UBE2J1: variants seen among roughly 807,000 people sequenced by gnomAD.
UBE2J1 encodes the protein ubiquitin conjugating enzyme E2 J1, also known as ubiquitin-conjugating enzyme E2 J1.
A neutral mutation model predicts 42.1 loss-of-function variants in UBE2J1; 17 were observed. The observed-to-expected ratio is 0.40, with a 90% CI of 0.28 to 0.61. The LOEUF is 0.61. Ranked by LOEUF, UBE2J1 falls within the 20% of genes least tolerant of loss-of-function variation. The pLI, the probability that UBE2J1 is intolerant of heterozygous loss-of-function variation, is 0.38. For missense variants in UBE2J1, 291 were observed against 389.4 expected (o/e 0.75, Z 2.13); for synonymous variants, 127 against 137.2 (o/e 0.93, Z 0.52).
In UBE2J1 at chr6:89,327,013, A is replaced by G. The variant is rs990093864; in HGVS notation, c.*2666T>C. On this transcript the variant is annotated 3_prime_UTR_variant, in exon 8 of 8. Coordinates refer to ENST00000435041, the MANE Select transcript of UBE2J1 (RefSeq NM_016021.3). ...CCAAAATAGGAAATTTTGTATTCCT[A>G]TAGTCAAAACAATAAACAATTTTTG... 6.6e-6 allele frequency: 1 copy of G among 152,666 alleles called. No individual in the cohort carries two copies. The highest frequency in any genetic ancestry group is 1.5e-5 in the Non-Finnish European group (1 of 68,036). The allele number at this position is 152,666 out of a possible 1,614,324, so 9.5% of individuals were successfully genotyped here.
Position 89,329,627 on chromosome 6 carries a change from CA to C in UBE2J1, c.*51del. On this transcript the variant is annotated 3_prime_UTR_variant, in exon 8 of 8. Coordinates refer to ENST00000435041, the MANE Select transcript of UBE2J1 (RefSeq NM_016021.3). ...AACAATTCTTAGATTATACCCAATG[CA>C]GAATGTTTAATGAAGCAGTTGAGTC... 2 of 1,574,458 alleles carry C rather than the reference CA, an allele frequency of 1.3e-6. No homozygotes were observed. Among genetic ancestry groups the C allele is most frequent in the Non-Finnish European group, 1.7e-6 (2 of 1,147,388 alleles).
Position 89,352,661 on chromosome 6 carries a change from C to G in UBE2J1, c.-92G>C, listed in dbSNP as rs1034811199. ...CGGGTCTCAGCGCGGCTCGGGCGGA[C>G]GGGGCCTGGCCGAGGAGCCTCGGCA... On this transcript the variant is annotated 5_prime_UTR_variant, in exon 1 of 8. Transcript: ENST00000435041. 1.6e-5 allele frequency: 22 copies of G among 1,388,042 alleles called. No individual in the cohort carries two copies. The African/African-American group carries it at 2.9e-4, about 18-fold the overall frequency. The allele number at this position is 1,388,042 out of a possible 1,614,324, so 86.0% of individuals were successfully genotyped here. A position where few individuals can be genotyped will look rare whatever the true frequency, so the allele number is the denominator to read the frequency against.
In UBE2J1 at chr6:89,348,862, A is replaced by G. The variant is rs539511049; in HGVS notation, c.31+3677T>C. Among the ~76,000 whole-genome samples, 154 of 152,358 alleles carry G rather than the reference A, an allele frequency of 1.0e-3. 1 individual carries two copies. Among genetic ancestry groups the G allele is most frequent in the Admixed American group, 3.5e-3 (54 of 15,308 alleles). On this transcript the variant is annotated intron_variant, in intron 1 of 7. Coordinates refer to ENST00000435041, the MANE Select transcript of UBE2J1 (RefSeq NM_016021.3). ...GATGGATTTAAAGGAAGGCATTCTA[A>G]GCAGAGGTTCCAACAGGAACCAAAG...
chr6:89,352,451 C>T, intron 1 of UBE2J1, 88 bp downstream of exon 1: 7 of 1,408,904 alleles, frequency 5.0e-6, no homozygotes, highest in Non-Finnish European at 6.7e-6. Context: ...CCGCGAGTGG[C>T]GCCAGACGCG....
At chr6:89,338,120 C>T (rs957712297) in intron 5 of UBE2J1, 85 bp downstream of exon 5, 1 of 847,904 alleles carries the variant, frequency 1.2e-6, no homozygotes, top group Admixed American at 2.5e-5. Context: ...AAATAAGTCA[C>T]ATAGTAAGAG....
chr6:89,340,079 G>A (rs1011474464), intron 3 of UBE2J1, among the ~76,000 whole-genome samples: 4 of 151,886 alleles, frequency 2.6e-5, no homozygotes, highest in African/African-American at 9.7e-5. Flanking sequence ...GAAACCTAAG[G>A]ACTCAGTATC....
chr6:89,351,140 G>A (rs1768469840), intron 1 of UBE2J1, among the ~76,000 whole-genome samples: 2 of 129,572 alleles, frequency 1.5e-5, no homozygotes, highest in African/African-American at 5.8e-5. Context: ...GGAGTGCAGT[G>A]GCGCGATCTC....
chr6:89,340,419 C>T (rs1266796753), intron 3 of UBE2J1, among the ~76,000 whole-genome samples: 2 of 152,202 alleles, frequency 1.3e-5, no homozygotes, highest in Non-Finnish European at 2.9e-5. Context: ...CTTAGCTCTC[C>T]CCATGATCTA....
chr6:89,345,338 A>G (rs1768339456), intron 1 of UBE2J1, among the ~76,000 whole-genome samples: 1 of 152,234 alleles, frequency 6.6e-6, no homozygotes, highest in South Asian at 2.1e-4. Context: ...GTGGTGGCTC[A>G]TGCCTGTAAT....
At position 89,352,611 on chromosome 6, in the gene UBE2J1, A is replaced by C. The variant is rs1161416641; in HGVS notation, c.-42T>G. The C allele has an allele frequency of 2.6e-6, 4 of 1,530,800 alleles. No homozygotes were observed. Among genetic ancestry groups the C allele is most frequent in the Admixed American group, 1.9e-5 (1 of 52,690 alleles). 94.8% of individuals were successfully genotyped at this position (1,530,800 alleles called of 1,614,324 possible). A position where few individuals can be genotyped will look rare whatever the true frequency, so the allele number is the denominator to read the frequency against. On this transcript the variant is annotated 5_prime_UTR_variant, in exon 1 of 8. Transcript: ENST00000435041. ...GGCTCCGGCCTCCCGGGCCGCTGCC[A>C]CCTCCTCTCCACGCGGCCGCTGCCC...
At position 89,329,875 on chromosome 6, in the gene UBE2J1, T is replaced by C. The variant is rs1767975195; in HGVS notation, c.761A>G (p.Gln254Arg). Residue 254 changes from glutamine (Q) to arginine (R), a missense_variant, in exon 8 of 8, where the codon CAG (glutamine) becomes CGG (arginine). This residue lies in a region of UBE2J1 where 176 missense variants were observed against 196.3 expected (regional missense o/e 0.90). Transcript: ENST00000435041. ...CTGACTCTGCTGCTGGGCCCGGCGC[T>C]GTCGAGGGCTCATGGAGGTATTCTT... Reference protein sequence around the residue: ...VAKNTSMSPRQRRAQQQSQRR... With the variant: ...VAKNTSMSPRRRRAQQQSQRR... 4.1e-5 allele frequency: 66 copies of C among 1,613,994 alleles called. No homozygotes were observed. The East Asian group carries it at 1.4e-3, about 35-fold the overall frequency.
At chr6:89,344,850 C>A (rs9351206) in intron 1 of UBE2J1, among the ~76,000 whole-genome samples, 1 of 152,232 alleles carries the variant, frequency 6.6e-6, no homozygotes, top group Non-Finnish European at 1.5e-5. Context: ...CTATCACAAT[C>A]TACAATCCTA....
At chr6:89,343,856 G>T in intron 1 of UBE2J1, 100 bp from the exon 2 acceptor site, 1 of 811,884 alleles carries the variant, frequency 1.2e-6, no homozygotes. Flanking sequence ...GAGAACTAGT[G>T]CAAATGAGCA....
intron 4 of UBE2J1, 49 bp from the exon 5 acceptor site, chr6:89,338,359 T>A: frequency 6.3e-7 from 1 of 1,587,574 alleles, no homozygotes; most frequent in Non-Finnish European, 8.6e-7. Context: ...TAAAAGCAAC[T>A]GGGTTTATTC....
intron 1 of UBE2J1, among the ~76,000 whole-genome samples, chr6:89,347,612 C>T (rs1160286699): frequency 1.3e-5 from 2 of 152,236 alleles, no homozygotes; most frequent in Non-Finnish European, 2.9e-5. Context: ...GTTCATAAGT[C>T]ACTCAGGCAC....
At chr6:89,340,742 GTATTTATTTATTTATT>G (rs138529944) in intron 3 of UBE2J1, among the ~76,000 whole-genome samples, 60 of 148,310 alleles carry the variant, frequency 4.0e-4, no homozygotes, top group Middle Eastern at 3.5e-3. Flanking sequence ...CATTAATTTG[GTATTTATTTATTTATT>G]TATTTATTTA....
chr6:89,337,575 G>A (rs2127864905), intron 5 of UBE2J1, among the ~76,000 whole-genome samples: 1 of 152,084 alleles, frequency 6.6e-6, no homozygotes, highest in African/African-American at 2.4e-5. Context: ...CTCCAGAGCA[G>A]AAAAATTATC....
At chr6:89,343,813 C>T in intron 1 of UBE2J1, 57 bp from the exon 2 acceptor site, 1 of 1,363,746 alleles carries the variant, frequency 7.3e-7, no homozygotes, top group Non-Finnish European at 1.0e-6. Context: ...GAATGATTAG[C>T]ACAGTCTTAC....
intron 5 of UBE2J1, 106 bp downstream of exon 5, chr6:89,338,099 A>T (rs1390611026): frequency 4.3e-6 from 3 of 703,756 alleles, no homozygotes; most frequent in African/African-American, 3.6e-5. Context: ...CTGTAGCTAC[A>T]GTCACTCAGA....
Sources: allele counts gnomAD v4.1 joint callset (sites outside exome capture counted in the v4.1 genomes callset), GRCh38; gene constraint gnomAD v4.1.1; regional missense constraint gnomAD v4.1.1; transcripts MANE v1.5; gene names NCBI Gene and HGNC (gene_info 2026-07-23, HGNC 2026-07-21).